Variants in NSMAF observed in about 807,000 individuals in gnomAD.
The protein encoded by NSMAF is protein FAN.
In NSMAF, 90 loss-of-function variants were observed where a neutral mutation model predicts 134.9. The ratio of observed to expected loss-of-function variants is 0.67; its 90% CI spans 0.56 to 0.79. The LOEUF is 0.79. Ranked by LOEUF, NSMAF falls within the 30% of genes least tolerant of loss-of-function variation. The probability of loss-of-function intolerance (pLI) is 0.00; values close to 1 mark genes in which losing one functional copy is unlikely to be tolerated. For synonymous variants in NSMAF, 358 were observed against 389.6 expected (o/e 0.92, Z 0.96); for missense variants, 1,010 against 1,119.0 (o/e 0.90, Z 1.39).
Position 58,590,064 on chromosome 8 carries a change from G to A in NSMAF, c.2030C>T (p.Ser677Phe). The change falls in exon 25 of 31, where the codon TCT becomes TTT. Residue 677 changes from serine (S) to phenylalanine (F), a missense_variant. Coordinates refer to ENST00000038176, the MANE Select transcript of NSMAF (RefSeq NM_003580.4). ...SISFSNMALS[S>F]CLLLPGDATV... Reference sequence around the variant, plus strand: ...GGCATCTCCTGGTAAAAGTAAACAAGACGATAAAGCCTGAAATACAAATGA... The same window carrying A: ...GGCATCTCCTGGTAAAAGTAAACAAAACGATAAAGCCTGAAATACAAATGA... 6.2e-7 allele frequency: 1 copy of A among 1,613,218 alleles called. No homozygotes were observed. The highest frequency in any genetic ancestry group is 1.1e-5 in the South Asian group (1 of 91,058).
rs927172305 is a variant in NSMAF, at chr8:58,588,576, C to A, written c.2212-875G>T. On this transcript the variant is annotated intron_variant, in intron 26 of 30. Coordinates refer to ENST00000038176, the MANE Select transcript of NSMAF (RefSeq NM_003580.4). ...GTAGCTTCACATACAGCTTGGGAAG[C>A]AAATAGGCATCAAAGATGCTCGCTT... 68 of 1,306,238 alleles carry A rather than the reference C, an allele frequency of 5.2e-5. 3 individuals carry two copies. Among genetic ancestry groups the A allele is most frequent in the Non-Finnish European group, 7.2e-5 (66 of 915,278 alleles). 80.9% of individuals were successfully genotyped at this position (1,306,238 alleles called of 1,614,324 possible). A position where few individuals can be genotyped will look rare whatever the true frequency, so the allele number is the denominator to read the frequency against.
intron 2 of NSMAF, chr8:58,637,233 C>T (rs75712986): frequency 0.045 from 19,650 of 433,720 alleles, 549 homozygotes; most frequent in Non-Finnish European, 0.06. Context: ...ACCTTCCTTA[C>T]TTGCCAGTAT....
intron 6 of NSMAF, 96 bp downstream of exon 6, chr8:58,631,394 CATTATT>C (rs1807054844): frequency 6.6e-6 from 4 of 605,254 alleles, no homozygotes; most frequent in Non-Finnish European, 1.1e-5. Context: ...TTTAAATACT[CATTATT>C]ATTATATTTG....
chr8:58,631,370 C>A lies in NSMAF; in HGVS notation c.384+126G>T, dbSNP rs1807054251. 5 of 463,720 alleles carry A rather than the reference C, an allele frequency of 1.1e-5. No individual in the cohort carries two copies. In the Admixed American group the frequency reaches 1.8e-4, roughly 16 times the overall value. The allele number at this position is 463,720 out of a possible 1,614,324, so 28.7% of individuals were successfully genotyped here. On this transcript the variant is annotated intron_variant, in intron 6 of 30. Transcript: ENST00000038176. ...CCCTTGGGTAATTTTGTTATAACTT[C>A]CAGGTAAGAAGCTTTTAAATACTCA...
intron 6 of NSMAF, among the ~76,000 whole-genome samples, chr8:58,630,362 A>T (rs1807029968): frequency 1.3e-5 from 2 of 150,980 alleles, no homozygotes; most frequent in South Asian, 4.2e-4. Context: ...TATAATTCAC[A>T]TTGGAACAAA....
At chr8:58,659,342 G>C in intron 1 of NSMAF, 1 of 1,526,828 alleles carries the variant, frequency 6.5e-7, no homozygotes, top group Non-Finnish European at 8.8e-7. Flanking sequence ...GGCCTGGCCC[G>C]TCATCCAGTT....
chr8:58,601,338 A>G lies in NSMAF; in HGVS notation c.1227T>C (p.Tyr409=). ...LFYLVRIAPE[Y]MLCLQNGRFD... The stretch of plus-strand genomic sequence containing the variant: ...ATCTTCCATTCTGCAGGCACAGCAT[A>G]TACTCTGGTGCTAGAGGGGAAAAAG... The change falls in exon 16 of 31, where the codon TAT becomes TAC. Residue 409 remains tyrosine (Y), a synonymous_variant. Transcript: ENST00000038176. 1 of 1,613,984 alleles carries G rather than the reference A, an allele frequency of 6.2e-7. No homozygotes were observed.
At chr8:58,658,764 T>C (rs1187524559) in intron 1 of NSMAF, among the ~76,000 whole-genome samples, 1 of 152,202 alleles carries the variant, frequency 6.6e-6, no homozygotes, top group Non-Finnish European at 1.5e-5. Flanking sequence ...TGAGCTTTCT[T>C]ATGAGACTTC....
intron 18 of NSMAF, 110 bp downstream of exon 18, chr8:58,599,640 T>G: frequency 5.6e-6 from 7 of 1,253,454 alleles, no homozygotes; most frequent in Non-Finnish European, 7.8e-6. Flanking sequence ...ATATCCTTAT[T>G]TAGAGAATTA....
chr8:58,618,250 T>C (rs1228661507), intron 9 of NSMAF, among the ~76,000 whole-genome samples: 1 of 152,140 alleles, frequency 6.6e-6, no homozygotes, highest in Non-Finnish European at 1.5e-5. Context: ...ACATGGCACA[T>C]GTATACCTAT....
At position 58,607,826 on chromosome 8, in the gene NSMAF, C is replaced by T. The variant is rs546682606; in HGVS notation, c.702G>A (p.Gln234=). ...TGCGGCGGACATCTTGGAGTGTTAT[C>T]TGGACCACAGGTTTCTTTAAAAGTA... is the stretch of plus-strand genomic sequence containing the variant. ...PLNGYPKPVV[Q]ITLQDVRRIY... The change falls in exon 11 of 31, where the codon CAG becomes CAA. Residue 234 remains glutamine (Q), a synonymous_variant. Coordinates refer to ENST00000038176, the MANE Select transcript of NSMAF (RefSeq NM_003580.4). 3 of 1,614,022 alleles carry T rather than the reference C, an allele frequency of 1.9e-6. No individual in the cohort carries two copies. Among genetic ancestry groups the T allele is most frequent in the African/African-American group, 2.7e-5 (2 of 75,070 alleles).
At chr8:58,595,841 G>C (rs183097612) in intron 21 of NSMAF, 182 bp from the exon 22 acceptor site, 1 of 526,226 alleles carries the variant, frequency 1.9e-6, no homozygotes, top group East Asian at 3.1e-5. Context: ...AAATTGTATA[G>C]AGAAAGATAA....
intron 20 of NSMAF, 127 bp from the exon 21 acceptor site, chr8:58,597,677 G>T: frequency 9.9e-7 from 1 of 1,011,236 alleles, no homozygotes; most frequent in Non-Finnish European, 1.5e-6. Flanking sequence ...TATGTACCAG[G>T]ATTGTCTAAA....
rs1454429324 is a variant in NSMAF at position 58,594,273 on chromosome 8, G to A, written c.1910C>T (p.Thr637Met). 8.7e-6 allele frequency: 14 copies of A among 1,613,964 alleles called. No individual in the cohort carries two copies. The highest frequency in any genetic ancestry group is 1.3e-5 in the African/African-American group (1 of 74,932). ...KIHKEAVTGI[T>M]VSRNGSSVFT... Reference sequence around the variant, plus strand: ...TACTGAAGATCCATTGCGAGAGACCGTGATTCCAGTAACTGCTCTGCTCAA... The same window carrying A: ...TACTGAAGATCCATTGCGAGAGACCATGATTCCAGTAACTGCTCTGCTCAA... Residue 637 changes from threonine (T) to methionine (M), a missense_variant, in exon 23 of 31, where the codon ACG becomes ATG. Transcript: ENST00000038176.
At chr8:58,639,433 T>A (rs1394380434) in intron 2 of NSMAF, among the ~76,000 whole-genome samples, 1 of 150,948 alleles carries the variant, frequency 6.6e-6, no homozygotes, top group African/African-American at 2.4e-5. Context: ...AGGATGGCTA[T>A]TATCAAAAAA....
At chr8:58,585,575 T>C (rs944705578) in intron 30 of NSMAF, 77 bp downstream of exon 30, 7 of 1,075,006 alleles carry the variant, frequency 6.5e-6, no homozygotes, top group African/African-American at 1.6e-5. Context: ...AAAAAGAGTA[T>C]GTTCCCTGAT....
In NSMAF at chr8:58,635,193, C is replaced by T. The variant is rs759670131; in HGVS notation, c.329G>A (p.Ser110Asn). ...AKSGGISLIF[S>N]QVYFIKEHNV... ...AAATATTTATTATGTGCTTACCTGA[C>T]TGAAAATGAGTGAAATACCCCCAGA... Residue 110 changes from serine (S) to asparagine (N), a missense_variant, in exon 5 of 31, where the codon AGT (serine) becomes AAT (asparagine). Physicochemically the swap from Ser to Asn is conservative, Grantham distance 46. Transcript: ENST00000038176. The T allele has an allele frequency of 6.2e-7, 1 of 1,608,758 alleles. No homozygotes were observed. The highest frequency in any genetic ancestry group is 1.3e-5 in the African/African-American group (1 of 74,756).
chr8:58,629,913 T>C (rs183883491), intron 6 of NSMAF, among the ~76,000 whole-genome samples: 1 of 152,326 alleles, frequency 6.6e-6, no homozygotes, highest in African/African-American at 2.4e-5. Flanking sequence ...TCTTTTGTTA[T>C]CAGTGGCTCC....
rs1806240977 is a variant in NSMAF at position 58,599,993 on chromosome 8, CCAGA to C, written c.1305_1308del (p.Cys435TrpfsTer10). The C allele has an allele frequency of 1.9e-6, 3 of 1,613,854 alleles. No individual in the cohort carries two copies. Among genetic ancestry groups the C allele is most frequent in the Admixed American group, 1.7e-5 (1 of 59,956 alleles). On this transcript the variant is annotated frameshift_variant, in exon 17 of 31. Coordinates refer to ENST00000038176, the MANE Select transcript of NSMAF (RefSeq NM_003580.4). LOFTEE classifies it high-confidence loss of function. ...ACCTCTTTAAAATCCGTTGCACCAT[CCAGA>C]CAGTTTTTCCAAGTTTCTGCAATAC...
Sources: allele counts gnomAD v4.1 joint callset (sites outside exome capture counted in the v4.1 genomes callset), GRCh38; gene constraint gnomAD v4.1.1; transcripts MANE v1.5; gene names NCBI Gene and HGNC (gene_info 2026-07-23, HGNC 2026-07-21).